PLXDC2: variants seen among roughly 807,000 people sequenced by gnomAD.
PLXDC2 encodes plexin domain-containing protein 2.
PLXDC2 carries 40 observed loss-of-function variants against 68.9 expected under a neutral mutation model. The ratio of observed to expected loss-of-function variants is 0.58; its 90% CI spans 0.45 to 0.76. PLXDC2 has a LOEUF of 0.76. PLXDC2 is among the 30% of genes least tolerant of loss of function. The pLI, the probability that PLXDC2 is intolerant of heterozygous loss-of-function variation, is 0.00. For missense variants in PLXDC2, 644 were observed against 661.9 expected, an observed-to-expected ratio of 0.97 and a Z score of 0.30; for synonymous variants, 243 against 234.2, an observed-to-expected ratio of 1.04 and a Z score of -0.34.
At chr10:19,967,914 C>G (rs17759816) in intron 1 of PLXDC2, among the ~76,000 whole-genome samples, 7,943 of 152,206 alleles carry the variant, frequency 0.052, 267 homozygotes, top group Middle Eastern at 0.092. Context: ...GTTGATGAAA[C>G]AGATCTGATT....
intron 1 of PLXDC2, among the ~76,000 whole-genome samples, chr10:19,963,754 T>G (rs1834199995): frequency 6.6e-6 from 1 of 151,964 alleles, no homozygotes. Context: ...AGTTAATGGG[T>G]GGAGCACACC....
intron 13 of PLXDC2, among the ~76,000 whole-genome samples, chr10:20,271,369 G>A (rs1171669876): frequency 6.6e-6 from 1 of 152,112 alleles, no homozygotes; most frequent in African/African-American, 2.4e-5. Flanking sequence ...TACCATGAAG[G>A]CAATTGATGG....
chr10:19,972,110 T>C (rs956063221), intron 1 of PLXDC2, among the ~76,000 whole-genome samples: 1 of 152,178 alleles, frequency 6.6e-6, no homozygotes, highest in African/African-American at 2.4e-5. Context: ...AAGATCAGAC[T>C]AAGATGCCCA....
In PLXDC2 at chr10:19,894,270, T is replaced by A. The variant is rs372139924; in HGVS notation, c.112+77079T>A. Among the ~76,000 whole-genome samples the A allele has an allele frequency of 2.0e-5, 3 of 151,624 alleles. No individual in the cohort carries two copies. The East Asian group carries it at 5.8e-4, about 29-fold the overall frequency. On this transcript the variant is annotated intron_variant, in intron 1 of 13. Coordinates refer to ENST00000377252, the MANE Select transcript of PLXDC2 (RefSeq NM_032812.9). ...AACAAAAACAAAAACAAAAAACTGA[T>A]GTTTTCCTTTTTTTTTTTTTATTAG...
chr10:19,876,932 A>G (rs16919492), intron 1 of PLXDC2, among the ~76,000 whole-genome samples: 1 of 152,164 alleles, frequency 6.6e-6, no homozygotes, highest in South Asian at 2.1e-4. Context: ...TCGTACAAAA[A>G]CGTATCTGAT....
chr10:20,196,985 A>C (rs1834848195), intron 9 of PLXDC2, among the ~76,000 whole-genome samples: 1 of 120,218 alleles, frequency 8.3e-6, no homozygotes, highest in Admixed American at 8.1e-5. Flanking sequence ...GATGTGGCAA[A>C]GTTGGATTTT....
In PLXDC2 at chr10:20,283,870, T is replaced by A. The variant is rs537164561; in HGVS notation, c.*4051T>A. On this transcript the variant is annotated 3_prime_UTR_variant, in exon 14 of 14. Transcript: ENST00000377252. ...GGAACTTAATGTAAACCTTTGCACATGCAGACTATATAAAGGGAATAAAAT... is the reference window on the plus strand; with the variant it reads ...GGAACTTAATGTAAACCTTTGCACAAGCAGACTATATAAAGGGAATAAAAT... 1 of 152,320 alleles carries A rather than the reference T, an allele frequency of 6.6e-6. No individual in the cohort carries two copies. Among genetic ancestry groups the A allele is most frequent in the Non-Finnish European group, 1.5e-5 (1 of 68,018 alleles). 9.4% of individuals were successfully genotyped at this position (152,320 alleles called of 1,614,324 possible).
intron 7 of PLXDC2, among the ~76,000 whole-genome samples, chr10:20,172,528 A>C (rs1033287317): frequency 6.6e-6 from 1 of 151,854 alleles, no homozygotes; most frequent in African/African-American, 2.4e-5. Context: ...ACATATGGGG[A>C]CATGTGAGTA....
At chr10:20,047,556 C>T (rs1835818388) in intron 3 of PLXDC2, among the ~76,000 whole-genome samples, 1 of 152,068 alleles carries the variant, frequency 6.6e-6, no homozygotes, top group South Asian at 2.1e-4. Flanking sequence ...AACCTGGACT[C>T]ATTATTTCCT....
chr10:19,990,968 C>G (rs1032705627), intron 1 of PLXDC2, among the ~76,000 whole-genome samples: 1 of 152,050 alleles, frequency 6.6e-6, no homozygotes, highest in Non-Finnish European at 1.5e-5. Context: ...TGATTCAGGC[C>G]GGGCATGATG....
chr10:19,846,856 CAG>C (rs1837018642), intron 1 of PLXDC2, among the ~76,000 whole-genome samples: 1 of 152,048 alleles, frequency 6.6e-6, no homozygotes, highest in Non-Finnish European at 1.5e-5. Flanking sequence ...TATAAAGAAA[CAG>C]AGGTTTAATG....
In PLXDC2 at chr10:19,991,742, T is replaced by C. The variant is rs187542942; in HGVS notation, c.113-10033T>C. On this transcript the variant is annotated intron_variant, in intron 1 of 13. Transcript: ENST00000377252. ...AGAGTCTATCAGACATCTGGCAGCC[T>C]AGATTTAATAGAAGGCCCTCGGTGA... Among the ~76,000 whole-genome samples, 668 of 152,304 alleles carry C rather than the reference T, an allele frequency of 4.4e-3. 6 individuals carry two copies. The highest frequency in any genetic ancestry group is 0.015 in the African/African-American group (623 of 41,568).
intron 1 of PLXDC2, among the ~76,000 whole-genome samples, chr10:19,950,499 A>C (rs776550330): frequency 8.5e-5 from 13 of 152,360 alleles, no homozygotes; most frequent in Middle Eastern, 3.4e-3. Flanking sequence ...TTGCAGAAAG[A>C]AATCACAGAT....
chr10:20,106,968 TA>T, intron 4 of PLXDC2, among the ~76,000 whole-genome samples: 1 of 150,510 alleles, frequency 6.6e-6, no homozygotes, highest in East Asian at 1.9e-4. Context: ...CAAAAAACTC[TA>T]AACTCCTTTA....
chr10:20,142,802 GA>G (rs912417007), intron 4 of PLXDC2, among the ~76,000 whole-genome samples: 134 of 141,036 alleles, frequency 9.5e-4, no homozygotes, highest in South Asian at 1.3e-3. Flanking sequence ...CAACTTTCAA[GA>G]AAAAAAAAAA....
intron 1 of PLXDC2, among the ~76,000 whole-genome samples, chr10:19,906,061 A>G (rs977043521): frequency 6.6e-6 from 1 of 152,166 alleles, no homozygotes. Flanking sequence ...TGTGAAACAG[A>G]CACAAACTAA....
chr10:20,188,727 A>G (rs1834718957), intron 9 of PLXDC2, among the ~76,000 whole-genome samples: 1 of 151,842 alleles, frequency 6.6e-6, no homozygotes, highest in Non-Finnish European at 1.5e-5. Flanking sequence ...AATGAAGTTG[A>G]GCCTGATAAA....
chr10:19,978,800 T>C (rs577699323), intron 1 of PLXDC2, among the ~76,000 whole-genome samples: 11 of 152,328 alleles, frequency 7.2e-5, no homozygotes, highest in Admixed American at 6.5e-5. Flanking sequence ...ATTAGTAAAT[T>C]GGAGGCATGA....
chr10:19,854,596 A>T (rs1042830984), intron 1 of PLXDC2, among the ~76,000 whole-genome samples: 15 of 151,820 alleles, frequency 9.9e-5, no homozygotes, highest in African/African-American at 3.1e-4. Context: ...CAAGACCTAG[A>T]TTTTTTTTTA....
Sources: allele counts gnomAD v4.1 joint callset (sites outside exome capture counted in the v4.1 genomes callset), GRCh38; gene constraint gnomAD v4.1.1; transcripts MANE v1.5; gene names NCBI Gene and HGNC (gene_info 2026-07-23, HGNC 2026-07-21).